The following SRFBP1 variants were observed in gnomAD, a reference collection of about 807,000 sequenced individuals.
SRFBP1 encodes serum response factor binding protein 1.
SRFBP1 carries 47 observed loss-of-function variants against 45.5 expected under a neutral mutation model. The observed-to-expected ratio is 1.03, with a 90% CI of 0.82 to 1.32. SRFBP1 has a LOEUF of 1.32. Among genes scored for constraint, SRFBP1 ranks in the 40% most tolerant of loss-of-function variants. The probability of loss-of-function intolerance (pLI) is 0.00; values close to 1 mark genes in which losing one functional copy is unlikely to be tolerated. For missense variants in SRFBP1, 621 were observed against 484.6 expected (o/e 1.28, Z -2.64); for synonymous variants, 203 against 166.3 (o/e 1.22, Z -1.70).
chr5:122,070,030 T>C, intron 2 of SRFBP1: 1 of 1,506,088 alleles, frequency 6.6e-7, no homozygotes, highest in East Asian at 2.3e-5. Context: ...CAACAATTAC[T>C]TAGCTAAGCA....
At chr5:121,994,746 A>G (rs1752685501) in intron 4 of SRFBP1, 76 bp downstream of exon 4, 4 of 975,770 alleles carry the variant, frequency 4.1e-6, no homozygotes, top group Non-Finnish European at 6.0e-6. Flanking sequence ...TTGAAGAGAA[A>G]ACTTACCAAG....
intron 2 of SRFBP1, chr5:122,070,197 T>C: frequency 8.0e-7 from 1 of 1,246,688 alleles, no homozygotes; most frequent in Non-Finnish European, 1.2e-6. Context: ...TCCTCAGTAT[T>C]TCTTTTTCCA....
Position 122,046,274 on chromosome 5 carries a change from C to T in SRFBP1, n.311+23867C>T, listed in dbSNP as rs545817142. Among the ~76,000 whole-genome samples, 9 of 152,068 alleles carry T rather than the reference C, an allele frequency of 5.9e-5. No homozygotes were observed. The South Asian group carries it at 1.7e-3, about 28-fold the overall frequency. On this transcript the variant is annotated intron_variant and non_coding_transcript_variant, in intron 2 of 2. Coordinates refer to the SRFBP1 transcript ENST00000504881. ...ATGCGTTCTCATTGTTCAATTCCCA[C>T]CTATGAGTGAGAACAGGCGGTGTTT...
chr5:122,016,692 C>T (rs1753200268), intron 4 of SRFBP1, among the ~76,000 whole-genome samples: 1 of 152,148 alleles, frequency 6.6e-6, no homozygotes, highest in Non-Finnish European at 1.5e-5. Context: ...CTAAGTGACT[C>T]AGGATACTAG....
intron 2 of SRFBP1, among the ~76,000 whole-genome samples, chr5:122,042,289 G>A (rs1753785532): frequency 6.6e-6 from 1 of 151,820 alleles, no homozygotes; most frequent in African/African-American, 2.4e-5. Flanking sequence ...TATTTTTTGA[G>A]ACAGGGTCTC....
intron 2 of SRFBP1, among the ~76,000 whole-genome samples, chr5:122,036,639 G>C (rs924734256): frequency 2.0e-5 from 3 of 152,144 alleles, no homozygotes; most frequent in African/African-American, 7.2e-5. Context: ...GATTGACCCT[G>C]TGTAAAAACC....
intron 2 of SRFBP1, among the ~76,000 whole-genome samples, chr5:122,071,808 G>T (rs1001387919): frequency 1.3e-5 from 2 of 152,142 alleles, no homozygotes; most frequent in Non-Finnish European, 2.9e-5. Context: ...AATCACCTTA[G>T]CATGCTCTAC....
rs918885262 is a variant in SRFBP1 at position 121,976,530 on chromosome 5, T to C, written c.198+1143T>C. Among the ~76,000 whole-genome samples the C allele has an allele frequency of 7.2e-5, 11 of 152,038 alleles. No homozygotes were observed. The East Asian group carries it at 2.1e-3, about 29-fold the overall frequency. On this transcript the variant is annotated intron_variant, in intron 3 of 7. Coordinates refer to ENST00000339397, the MANE Select transcript of SRFBP1 (RefSeq NM_152546.3). ...ATCTTTAGAGATTTTGTCTTGAGAATAGCAATAAAATAGGAAGTTACAATT... is the reference window on the plus strand; with the variant it reads ...ATCTTTAGAGATTTTGTCTTGAGAACAGCAATAAAATAGGAAGTTACAATT...
At chr5:121,973,822 G>T (rs1231535587) in intron 1 of SRFBP1, among the ~76,000 whole-genome samples, 2 of 151,838 alleles carry the variant, frequency 1.3e-5, no homozygotes, top group African/African-American at 4.8e-5. Context: ...CTACCATTAT[G>T]AGTGAGGCTT....
chr5:122,028,882 AAAGTT>A (rs1329368239), downstream of SRFBP1, among the ~76,000 whole-genome samples: 1 of 152,176 alleles, frequency 6.6e-6, no homozygotes, highest in Non-Finnish European at 1.5e-5. Flanking sequence ...GTCCAAGTAA[AAAGTT>A]AAGAGGGAAG....
At chr5:122,068,174 TAAAAAA>T (rs10650287) in intron 2 of SRFBP1, among the ~76,000 whole-genome samples, 19 of 115,910 alleles carry the variant, frequency 1.6e-4, no homozygotes, top group African/African-American at 4.0e-4. Flanking sequence ...TAATAACTAG[TAAAAAA>T]AAAAAAAAAA....
chr5:121,995,757 G>C (rs1280943509), intron 4 of SRFBP1, among the ~76,000 whole-genome samples: 1 of 151,800 alleles, frequency 6.6e-6, no homozygotes, highest in Non-Finnish European at 1.5e-5. Flanking sequence ...AAAATTGATA[G>C]ACCGCTAGCA....
chr5:122,060,709 A>G (rs1561412303), intron 2 of SRFBP1, among the ~76,000 whole-genome samples: 1 of 139,420 alleles, frequency 7.2e-6, no homozygotes, highest in African/African-American at 2.7e-5. Context: ...ATCTTCATGA[A>G]ACCTCAATGA....
At chr5:122,070,861 A>G (rs1482190662) in intron 2 of SRFBP1, 1 of 243,266 alleles carries the variant, frequency 4.1e-6, no homozygotes, top group African/African-American at 2.2e-5. Context: ...CTGAAGGAAC[A>G]AAATAGGCCT....
At chr5:122,039,622 T>C (rs1361124380) in intron 2 of SRFBP1, among the ~76,000 whole-genome samples, 2 of 152,306 alleles carry the variant, frequency 1.3e-5, no homozygotes, top group South Asian at 2.1e-4. Context: ...CAGACGTTGA[T>C]ATACTGGGCA....
chr5:122,013,797 A>G (rs1161955697), intron 4 of SRFBP1, among the ~76,000 whole-genome samples: 1 of 152,168 alleles, frequency 6.6e-6, no homozygotes, highest in Non-Finnish European at 1.5e-5. Flanking sequence ...TTGCTAATGG[A>G]AGTCAAATTT....
intron 2 of SRFBP1, among the ~76,000 whole-genome samples, chr5:122,040,861 TAG>T (rs567235963): frequency 3.3e-5 from 5 of 152,172 alleles, no homozygotes; most frequent in Non-Finnish European, 7.4e-5. Context: ...GTCATCTTGT[TAG>T]AGAGAACTTC....
chr5:122,073,366 A>C (rs1754509729), intron 2 of SRFBP1, among the ~76,000 whole-genome samples: 1 of 152,238 alleles, frequency 6.6e-6, no homozygotes, highest in African/African-American at 2.4e-5. Context: ...TATACTGTAG[A>C]TTTAAATATA....
chr5:122,066,554 A>G (rs1289447227), intron 2 of SRFBP1: 3 of 491,574 alleles, frequency 6.1e-6, no homozygotes, highest in Non-Finnish European at 7.5e-6. Context: ...AAAATTTCCC[A>G]AGTAATGATG....
Sources: gnomAD v4.1 joint callset for allele counts (sites outside exome capture counted in the v4.1 genomes callset) on GRCh38, gnomAD v4.1.1 for gene constraint, MANE v1.5 for transcripts, NCBI Gene and HGNC (gene_info 2026-07-23, HGNC 2026-07-21) for gene names.